The following BLACAT1 variants were observed in gnomAD, a reference collection of about 807,000 sequenced individuals.
The protein encoded by BLACAT1 is BLACAT1 overlapping LEMD1 locus, also known as bladder cancer associated transcript 1.
At chr1:205,451,965 C>T (rs1473444951) in intron 1 of BLACAT1, among the ~76,000 whole-genome samples, 1 of 151,970 alleles carries the variant, frequency 6.6e-6, no homozygotes, top group Admixed American at 6.6e-5. Flanking sequence ...AAGAAGAATG[C>T]TGACAAAGAG....
intron 1 of BLACAT1, among the ~76,000 whole-genome samples, chr1:205,444,346 G>A (rs1051421204): frequency 8.6e-5 from 13 of 152,036 alleles, no homozygotes; most frequent in Non-Finnish European, 1.9e-4. Context: ...GTCCAAGATG[G>A]TTTACGGTCT....
rs553837673 is a variant in BLACAT1, at chr1:205,450,581, C to A, written c.-37+5336G>T. 1.3e-5 allele frequency among the ~76,000 whole-genome samples: 2 copies of A among 152,040 alleles called. No homozygotes were observed. Among genetic ancestry groups the A allele is most frequent in the Admixed American group, 1.3e-4 (2 of 15,280 alleles). ...TTCCATTTCCTTTCTCAGACCTGCT[C>A]GAGCCTGGCCCCCTCCACCCACCCT... On this transcript the variant is annotated intron_variant, in intron 1 of 1. Coordinates refer to ENST00000629624, the Ensembl canonical transcript of BLACAT1. The surrounding 1 kb of genome is among the most constrained non-coding windows in gnomAD (Gnocchi z 4.4).
intron 1 of BLACAT1, among the ~76,000 whole-genome samples, chr1:205,445,999 C>T (rs982700343): frequency 3.3e-5 from 5 of 152,142 alleles, no homozygotes; most frequent in African/African-American, 7.2e-5. Context: ...GGCCCACTCT[C>T]GCAAGGGAGG....
At chr1:205,446,328 T>TG (rs1285437638) in intron 1 of BLACAT1, among the ~76,000 whole-genome samples, 15 of 152,358 alleles carry the variant, frequency 9.8e-5, no homozygotes, top group African/African-American at 3.6e-4. Flanking sequence ...GGTGAGTTGC[T>TG]GAGCTGTGGG....
chr1:205,436,836 A>C (rs3738744), downstream of BLACAT1: 1 of 152,084 alleles, frequency 6.6e-6, no homozygotes, highest in Non-Finnish European at 1.5e-5. Context: ...CCACCTTTGC[A>C]GTTGTGAACC....
At chr1:205,446,541 G>A (rs886754547) in intron 1 of BLACAT1, among the ~76,000 whole-genome samples, 16 of 152,356 alleles carry the variant, frequency 1.1e-4, no homozygotes, top group South Asian at 8.3e-4. Context: ...GGGACTACCC[G>A]GGCAAACTGA....
chr1:205,451,139 T>C (rs759103002), intron 1 of BLACAT1, among the ~76,000 whole-genome samples: 2 of 152,148 alleles, frequency 1.3e-5, no homozygotes, highest in Non-Finnish European at 2.9e-5. Flanking sequence ...CTCTTTAGCT[T>C]CCCCTGGCTC....
downstream of BLACAT1, among the ~76,000 whole-genome samples, chr1:205,439,073 C>T (rs879229651): frequency 2.6e-5 from 4 of 152,168 alleles, no homozygotes; most frequent in Non-Finnish European, 5.9e-5. Flanking sequence ...ATTGCAGCCT[C>T]GCAGGTGACC....
downstream of BLACAT1, among the ~76,000 whole-genome samples, chr1:205,439,416 C>T (rs182343941): frequency 6.6e-6 from 1 of 152,380 alleles, no homozygotes; most frequent in Admixed American, 6.5e-5. Flanking sequence ...ACCTGAATCC[C>T]ACCCAATCTG....
intron 1 of BLACAT1, chr1:205,449,747 C>T (rs894244150): frequency 1.3e-5 from 2 of 153,204 alleles, no homozygotes; most frequent in East Asian, 1.9e-4. Context: ...CTTCCTCTCT[C>T]ATGGGCCCCC....
chr1:205,436,924 T>C (rs1666218814), downstream of BLACAT1: 1 of 152,214 alleles, frequency 6.6e-6, no homozygotes, highest in Admixed American at 6.5e-5. Context: ...TGCCTTCCTG[T>C]GAGGTAGGGA....
Position 205,448,029 on chromosome 1 carries a change from G to C in BLACAT1, c.-36-6967C>G, listed in dbSNP as rs1431338768. Among the ~76,000 whole-genome samples the C allele has an allele frequency of 6.6e-6, 1 of 152,178 alleles. No homozygotes were observed. Among genetic ancestry groups the C allele is most frequent in the Non-Finnish European group, 1.5e-5 (1 of 68,028 alleles). ...CAGGCCTCAGTAATTTGGCAAGGGG[G>C]AAGGAACCGACTCAGAAAGCTCAGC... On this transcript the variant is annotated intron_variant, in intron 1 of 1. Transcript: ENST00000629624. This position sits in a 1 kb window ranked among gnomAD's most constrained non-coding sequence, Gnocchi z 4.7.
rs902217832 is a variant in BLACAT1 at position 205,441,500 on chromosome 1, C to T, written c.-36-438G>A. 3.3e-5 allele frequency among the ~76,000 whole-genome samples: 5 copies of T among 152,320 alleles called. No individual in the cohort carries two copies. The highest frequency in any genetic ancestry group is 7.2e-5 in the African/African-American group (3 of 41,572). On this transcript the variant is annotated intron_variant, in intron 1 of 1. Coordinates refer to ENST00000629624, the Ensembl canonical transcript of BLACAT1. The surrounding 1 kb of genome is among the most constrained non-coding windows in gnomAD (Gnocchi z 4.3). Reference sequence around the variant, plus strand: ...CACTCGCTTCTGCAGGTTGCACACACGACAGGCCCTCCTCCATCCAAATGC... The same window carrying T: ...CACTCGCTTCTGCAGGTTGCACACATGACAGGCCCTCCTCCATCCAAATGC...
intron 1 of BLACAT1, among the ~76,000 whole-genome samples, chr1:205,453,869 T>A (rs1666529086): frequency 6.6e-6 from 1 of 152,086 alleles, no homozygotes; most frequent in African/African-American, 2.4e-5. Flanking sequence ...TAAGAATGGG[T>A]CATTGGCAAA....
At chr1:205,445,715 G>T (rs1237560407) in intron 1 of BLACAT1, among the ~76,000 whole-genome samples, 1 of 152,198 alleles carries the variant, frequency 6.6e-6, no homozygotes, top group Non-Finnish European at 1.5e-5. Context: ...GTGTTTTCCA[G>T]CCTGGCTCGG....
intron 1 of BLACAT1, among the ~76,000 whole-genome samples, chr1:205,447,698 C>T (rs115063483): frequency 1.6e-4 from 25 of 152,096 alleles, no homozygotes; most frequent in African/African-American, 5.5e-4. Flanking sequence ...GGGGGCAGCT[C>T]CTGGAGATGG....
In BLACAT1 at chr1:205,448,268, C is replaced by A; in HGVS notation, c.-36-7206G>T. ...TGCCCCTTGGTGGCTGGCTCCGAAC[C>A]TGGTCCCATGGGAGGTGCAGCTGCG... is the stretch of plus-strand genomic sequence containing the variant. On this transcript the variant is annotated intron_variant, in intron 1 of 1. Coordinates refer to ENST00000629624, the Ensembl canonical transcript of BLACAT1. The surrounding 1 kb of genome is among the most constrained non-coding windows in gnomAD (Gnocchi z 4.7). 1 of 512,676 alleles carries A rather than the reference C, an allele frequency of 2.0e-6. No homozygotes were observed. Among genetic ancestry groups the A allele is most frequent in the South Asian group, 1.4e-5 (1 of 70,786 alleles). The allele number at this position is 512,676 out of a possible 1,614,324, so 31.8% of individuals were successfully genotyped here.
Position 205,448,191 on chromosome 1 carries a change from C to T in BLACAT1, c.-36-7129G>A, listed in dbSNP as rs1229660094. The T allele has an allele frequency of 2.3e-6, 1 of 439,952 alleles. No homozygotes were observed. Among genetic ancestry groups the T allele is most frequent in the Non-Finnish European group, 4.7e-6 (1 of 214,624 alleles). The allele number at this position is 439,952 out of a possible 1,614,324, so 27.3% of individuals were successfully genotyped here. On this transcript the variant is annotated intron_variant, in intron 1 of 1. Coordinates refer to ENST00000629624, the Ensembl canonical transcript of BLACAT1. This position sits in a 1 kb window ranked among gnomAD's most constrained non-coding sequence, Gnocchi z 4.7. ...AAGGTCACACGGCTTAGCCCCGATC[C>T]CAGGTTACCAGATCCCGTGATGCCC...
At chr1:205,447,815 T>C (rs1034737380) in intron 1 of BLACAT1, among the ~76,000 whole-genome samples, 1 of 152,160 alleles carries the variant, frequency 6.6e-6, no homozygotes, top group Non-Finnish European at 1.5e-5. Flanking sequence ...GTGGCCGGCA[T>C]GGAGTGTTCC....
Sources: gnomAD v4.1 joint callset for allele counts (sites outside exome capture counted in the v4.1 genomes callset) on GRCh38, gnomAD v4.1.1 for gene constraint, Gnocchi (gnomAD v3.1) non-coding constraint, MANE v1.5 for transcripts, NCBI Gene and HGNC (gene_info 2026-07-23, HGNC 2026-07-21) for gene names.